Variants in SNRPG observed in about 807,000 individuals in gnomAD.
SNRPG encodes small nuclear ribonucleoprotein G.
SNRPG carries 3 observed loss-of-function variants against 13.9 expected under a neutral mutation model. The ratio of observed to expected loss-of-function variants is 0.22; its 90% CI spans 0.10 to 0.56. The LOEUF is 0.56. Among genes scored for constraint, SNRPG ranks in the 20% least tolerant of loss-of-function variants. The pLI is 0.93. For synonymous variants in SNRPG, 29 were observed against 29.3 expected, an observed-to-expected ratio of 0.99 and a Z score of 0.03; for missense variants, 34 against 96.1, an observed-to-expected ratio of 0.35 and a Z score of 2.70.
chr2:70,288,352 C>T (rs1696994306), intron 2 of SNRPG, among the ~76,000 whole-genome samples, 160 bp from the exon 3 acceptor site: 1 of 152,148 alleles, frequency 6.6e-6, no homozygotes, highest in Non-Finnish European at 1.5e-5. Flanking sequence ...TATTTACTTC[C>T]ACATTTTAAT....
Position 70,293,732 on chromosome 2 carries a change from G to A in SNRPG, c.-83C>T, listed in dbSNP as rs910028055. On this transcript the variant is annotated 5_prime_UTR_variant, in exon 1 of 4. Transcript: ENST00000272348. ...GCTCCCGCTGTAGGCCCGGCGTCTT[G>A]CGTCTGGCGTCATCGACCTCGTTAG... The A allele has an allele frequency of 2.3e-6, 3 of 1,317,398 alleles. No homozygotes were observed. Among genetic ancestry groups the A allele is most frequent in the African/African-American group, 2.9e-5 (2 of 69,372 alleles). 81.6% of individuals were successfully genotyped at this position (1,317,398 alleles called of 1,614,324 possible).
intron 2 of SNRPG, among the ~76,000 whole-genome samples, chr2:70,288,475 TCTCGAACTCCTGGG>T (rs1486361136): frequency 1.3e-5 from 2 of 152,152 alleles, no homozygotes; most frequent in Non-Finnish European, 2.9e-5. Context: ...CCCAGGCTGG[TCTCGAACTCCTGGG>T]CTCAAGGGAT....
rs191045487 is a variant in SNRPG at position 70,283,333 on chromosome 2, C to T, written c.181-1649G>A. ...AATTGGATAGGTGAATGGAGGGGTA[C>T]GGGAGGGAAAGAATAGGTAATGTAG... is the stretch of plus-strand genomic sequence containing the variant. On this transcript the variant is annotated intron_variant, in intron 3 of 3. Transcript: ENST00000272348. Among the ~76,000 whole-genome samples the T allele has an allele frequency of 9.3e-5, 14 of 151,304 alleles. No individual in the cohort carries two copies. The South Asian group carries it at 1.9e-3, about 20-fold the overall frequency.
chr2:70,287,351 C>T (rs113095278), intron 3 of SNRPG: 52 of 702,620 alleles, frequency 7.4e-5, no homozygotes, highest in African/African-American at 3.8e-4. Context: ...TTGGGCTTAC[C>T]GCTTTATTAG....
At position 70,281,661 on chromosome 2, in the gene SNRPG, G is replaced by C; in HGVS notation, c.204C>G (p.Ile68Met). ...GMVVIRGNSI[I>M]MLEALERV ...ATACTCGTTCCAAGGCTTCTAACAT[G>C]ATGATACTATTTCCTCGTATTACCT... is the stretch of plus-strand genomic sequence containing the variant. Residue 68 changes from isoleucine to methionine, a missense_variant, in exon 4 of 4, where the codon ATC becomes ATG. Ile to Met is a conservative substitution (Grantham distance 10). Transcript: ENST00000272348. The C allele has an allele frequency of 6.3e-7, 1 of 1,576,934 alleles. No homozygotes were observed.
chr2:70,287,635 A>G (rs968510424), intron 3 of SNRPG, among the ~76,000 whole-genome samples: 6 of 152,244 alleles, frequency 3.9e-5, no homozygotes, highest in African/African-American at 1.4e-4. Context: ...AGAAAGTGTT[A>G]CCTGTGAACT....
chr2:70,283,573 T>C (rs1257427346), intron 3 of SNRPG, among the ~76,000 whole-genome samples: 1 of 152,132 alleles, frequency 6.6e-6, no homozygotes, highest in Non-Finnish European at 1.5e-5. Flanking sequence ...GGGACTTAGG[T>C]GCAAAACCCC....
In SNRPG at chr2:70,290,353, C is replaced by A. The variant is rs372060954; in HGVS notation, c.33-981G>T. Among the ~76,000 whole-genome samples the A allele has an allele frequency of 4.6e-4, 70 of 151,226 alleles. No homozygotes were observed. In the East Asian group the frequency reaches 6.0e-3, roughly 13 times the overall value. ...TCAAGCATAAATGTTCAGGGTAGTC[C>A]TCAACATTTAAGTATATTTTAGAAT... On this transcript the variant is annotated intron_variant, in intron 1 of 3. Coordinates refer to ENST00000272348, the MANE Select transcript of SNRPG (RefSeq NM_003096.4).
intron 3 of SNRPG, among the ~76,000 whole-genome samples, chr2:70,283,116 AAAAAAAAAC>A (rs1559041585): frequency 1.3e-5 from 2 of 148,654 alleles, no homozygotes; most frequent in African/African-American, 5.0e-5. Flanking sequence ...AAAAAAAAAA[AAAAAAAAAC>A]AACAAACCAA....
chr2:70,284,428 A>C (rs1696890740), intron 3 of SNRPG, among the ~76,000 whole-genome samples: 1 of 152,122 alleles, frequency 6.6e-6, no homozygotes, highest in African/African-American at 2.4e-5. Flanking sequence ...CTGTCACCCA[A>C]GCTGGAATGC....
At chr2:70,283,662 T>C (rs1044878384) in intron 3 of SNRPG, among the ~76,000 whole-genome samples, 1 of 152,186 alleles carries the variant, frequency 6.6e-6, no homozygotes, top group Non-Finnish European at 1.5e-5. Flanking sequence ...ATGTGATTAC[T>C]GCAGCTGACA....
intron 1 of SNRPG, chr2:70,293,290 CT>C (rs1697151073): frequency 1.5e-6 from 1 of 685,256 alleles, no homozygotes. Flanking sequence ...GAACATGATA[CT>C]ATTCGAGATG....
At chr2:70,284,098 A>C (rs1450106820) in intron 3 of SNRPG, among the ~76,000 whole-genome samples, 3 of 152,304 alleles carry the variant, frequency 2.0e-5, no homozygotes, top group African/African-American at 7.2e-5. Context: ...GTGCCCTGAA[A>C]ATGACAATGG....
rs745492903 is a variant in SNRPG, at chr2:70,293,632, A to C, written c.18T>G (p.Pro6=). MSKAH[P]PELKKFMDKK... is the part of the protein sequence containing the mutation. ...CACATACTTACTTTTTCAACTCGGG[A>C]GGGTGAGCTTTGCTCATGGTGTATA... Residue 6 remains proline (P), a synonymous_variant, in exon 1 of 4, where the codon CCT becomes CCG. Coordinates refer to ENST00000272348, the MANE Select transcript of SNRPG (RefSeq NM_003096.4). 6.2e-7 allele frequency: 1 copy of C among 1,614,118 alleles called. No homozygotes were observed. Among genetic ancestry groups the C allele is most frequent in the Non-Finnish European group, 8.5e-7 (1 of 1,179,938 alleles).
rs377068741 is a variant in SNRPG, at chr2:70,289,405, C to T, written c.33-33G>A. 1.9e-5 allele frequency: 23 copies of T among 1,228,500 alleles called. No individual in the cohort carries two copies. The African/African-American group carries it at 3.4e-4, about 18-fold the overall frequency. 76.1% of individuals were successfully genotyped at this position (1,228,500 alleles called of 1,614,324 possible). A position where few individuals can be genotyped will look rare whatever the true frequency, so the allele number is the denominator to read the frequency against. On this transcript the variant is annotated intron_variant, in intron 1 of 3. Coordinates refer to ENST00000272348, the MANE Select transcript of SNRPG (RefSeq NM_003096.4). ...AGGAAAAGGGTAAAGATTATATAAC[C>T]AATTAAAAAAATTTAAGCATAAACA...
intron 1 of SNRPG, chr2:70,291,212 A>G (rs1186260435): frequency 6.6e-6 from 1 of 152,204 alleles, no homozygotes; most frequent in Non-Finnish European, 1.5e-5. Context: ...AAGCTAAAGC[A>G]ATTTTTCAAA....
At chr2:70,289,830 C>T (rs909177352) in intron 1 of SNRPG, among the ~76,000 whole-genome samples, 3 of 151,160 alleles carry the variant, frequency 2.0e-5, no homozygotes, top group East Asian at 1.9e-4. Context: ...AGAGTGGGGG[C>T]GTAAAGGGTT....
rs149943066 is a variant in SNRPG at position 70,292,840 on chromosome 2, A to G, written c.32+778T>C. 277 of 342,496 alleles carry G rather than the reference A, an allele frequency of 8.1e-4. 1 individual carries two copies. In the East Asian group the frequency reaches 0.013, roughly 16 times the overall value. The allele number at this position is 342,496 out of a possible 1,614,324, so 21.2% of individuals were successfully genotyped here. A position where few individuals can be genotyped will look rare whatever the true frequency, so the allele number is the denominator to read the frequency against. The stretch of plus-strand genomic sequence containing the variant: ...CATCAGGAAGTATAAGCAAAACAGA[A>G]ACGTAGTCAGGAAACACATAACCTG... On this transcript the variant is annotated intron_variant, in intron 1 of 3. Coordinates refer to ENST00000272348, the MANE Select transcript of SNRPG (RefSeq NM_003096.4).
At chr2:70,290,005 T>C (rs563157713) in intron 1 of SNRPG, among the ~76,000 whole-genome samples, 3 of 131,842 alleles carry the variant, frequency 2.3e-5, no homozygotes, top group African/African-American at 9.5e-5. Flanking sequence ...AATTTCTTTC[T>C]TTTTTTTTTT....
Sources: allele counts gnomAD v4.1 joint callset (sites outside exome capture counted in the v4.1 genomes callset), GRCh38; gene constraint gnomAD v4.1.1; transcripts MANE v1.5; gene names NCBI Gene and HGNC (gene_info 2026-07-23, HGNC 2026-07-21).